Variants in PRDM16 observed in about 807,000 individuals in gnomAD.
The protein encoded by PRDM16 is histone-lysine N-methyltransferase PRDM16.
A neutral mutation model predicts 110.6 loss-of-function variants in PRDM16; 23 were observed. The observed-to-expected ratio is 0.21, with a 90% CI of 0.15 to 0.29. The LOEUF (loss-of-function observed/expected upper bound fraction) is 0.29. PRDM16 is among the 10% of genes least tolerant of loss of function. The pLI, the probability that PRDM16 is intolerant of heterozygous loss-of-function variation, is 1.00. For synonymous variants in PRDM16, 799 were observed against 781.8 expected (o/e 1.02, Z -0.37); for missense variants, 1,615 against 1,794.3 (o/e 0.90, Z 1.81).
At chr1:3,357,902 C>T (rs560201538) in intron 3 of PRDM16, among the ~76,000 whole-genome samples, 1 of 152,358 alleles carries the variant, frequency 6.6e-6, no homozygotes, top group East Asian at 1.9e-4. Flanking sequence ...CCAATCGTCC[C>T]CCATGGTGAG....
At position 3,334,540 on chromosome 1, in the gene PRDM16, T is replaced by C. The variant is rs546683691; in HGVS notation, c.439-50612T>C. The stretch of plus-strand genomic sequence containing the variant: ...CTGGCTGGCCGCCATCAACTCCTCT[T>C]GTGGGGAGGAAAGCGGGACAGGGAA... On this transcript the variant is annotated intron_variant, in intron 3 of 16. Coordinates refer to ENST00000270722, the MANE Select transcript of PRDM16 (RefSeq NM_022114.4). Among the ~76,000 whole-genome samples, 402 of 152,306 alleles carry C rather than the reference T, an allele frequency of 2.6e-3. 3 individuals carry two copies. The highest frequency in any genetic ancestry group is 9.3e-3 in the African/African-American group (386 of 41,566).
chr1:3,264,042 C>T (rs899854704), intron 3 of PRDM16, among the ~76,000 whole-genome samples: 8 of 152,186 alleles, frequency 5.3e-5, no homozygotes, highest in African/African-American at 1.9e-4. Flanking sequence ...TGGCCATCTT[C>T]CACAAGCTTA....
intron 2 of PRDM16, among the ~76,000 whole-genome samples, chr1:3,241,864 G>C (rs1376267894): frequency 6.6e-6 from 1 of 152,202 alleles, no homozygotes; most frequent in Non-Finnish European, 1.5e-5. Context: ...CACCTGAGAG[G>C]CTATGCATCT....
intron 3 of PRDM16, among the ~76,000 whole-genome samples, 170 bp from the exon 4 acceptor site, chr1:3,384,982 G>A (rs547175575): frequency 6.6e-6 from 1 of 152,200 alleles, no homozygotes; most frequent in African/African-American, 2.4e-5. Context: ...GCATGGGCAG[G>A]CTGGGTGGGC....
chr1:3,334,478 T>G (rs1642104990), intron 3 of PRDM16, among the ~76,000 whole-genome samples: 2 of 147,726 alleles, frequency 1.4e-5, no homozygotes. Flanking sequence ...GAGGACCAGG[T>G]CCTCAAATTC....
At chr1:3,366,253 C>T (rs1642813433) in intron 3 of PRDM16, among the ~76,000 whole-genome samples, 1 of 152,220 alleles carries the variant, frequency 6.6e-6, no homozygotes, top group South Asian at 2.1e-4. Flanking sequence ...GCTTGGCGGC[C>T]GCTCGCAGAC....
At chr1:3,204,727 G>A (rs1638713457) in intron 2 of PRDM16, among the ~76,000 whole-genome samples, 1 of 152,252 alleles carries the variant, frequency 6.6e-6, no homozygotes, top group African/African-American at 2.4e-5. Flanking sequence ...TTCTGTCTTT[G>A]GCCCGACCGG....
In PRDM16 at chr1:3,358,857, G is replaced by A. The variant is rs1476877283; in HGVS notation, c.439-26295G>A. ...TCATTCCAAACTCAAGCCATTTTGAGGAAAACAGACACCCCTCTTGGGCCG... is the reference window on the plus strand; with the variant it reads ...TCATTCCAAACTCAAGCCATTTTGAAGAAAACAGACACCCCTCTTGGGCCG... On this transcript the variant is annotated intron_variant, in intron 3 of 16. Transcript: ENST00000270722. The surrounding 1 kb of genome is among the most constrained non-coding windows in gnomAD (Gnocchi z 4.0). Among the ~76,000 whole-genome samples the A allele has an allele frequency of 6.6e-6, 1 of 152,190 alleles. No homozygotes were observed. Among genetic ancestry groups the A allele is most frequent in the Non-Finnish European group, 1.5e-5 (1 of 68,028 alleles).
intron 1 of PRDM16, among the ~76,000 whole-genome samples, chr1:3,114,187 A>ACG (rs1557455923): frequency 1.0e-5 from 1 of 96,454 alleles, no homozygotes; most frequent in Non-Finnish European, 2.0e-5. Flanking sequence ...ACACACACGC[A>ACG]CACACGCACA....
rs1638882917 is a variant in PRDM16 at position 3,435,510 on chromosome 1, T to A, written c.*1699T>A. The stretch of plus-strand genomic sequence containing the variant: ...CAGTTACATTTGCATTTAAGACAAG[T>A]GTTCTATTTATTTCTTGTATTGTTT... On this transcript the variant is annotated 3_prime_UTR_variant, in exon 17 of 17. Coordinates refer to ENST00000270722, the MANE Select transcript of PRDM16 (RefSeq NM_022114.4). The A allele has an allele frequency of 4.3e-6, 1 of 231,402 alleles. No homozygotes were observed. The allele number at this position is 231,402 out of a possible 1,614,324, so 14.3% of individuals were successfully genotyped here.
chr1:3,277,534 T>A (rs1640612994), intron 3 of PRDM16, among the ~76,000 whole-genome samples: 1 of 152,136 alleles, frequency 6.6e-6, no homozygotes, highest in Admixed American at 6.5e-5. Flanking sequence ...GCCCCGACCC[T>A]CTCCTTTTCT....
At position 3,402,876 on chromosome 1, in the gene PRDM16, C is replaced by T. The variant is rs763433232; in HGVS notation, c.762C>T (p.Gly254=). The change falls in exon 6 of 17, where the codon GGC becomes GGT. Residue 254 remains glycine, a synonymous_variant. Coordinates refer to ENST00000270722, the MANE Select transcript of PRDM16 (RefSeq NM_022114.4). The part of the protein sequence containing the change: ...DLRRHKKYTC[G]SVGAALYEGL... ...GGCGCCATAAGAAGTACACGTGTGG[C>T]TCAGTGGGGGCTGCGCTCTACGAGG... is the stretch of plus-strand genomic sequence containing the variant. 14 of 1,612,978 alleles carry T rather than the reference C, an allele frequency of 8.7e-6. No individual in the cohort carries two copies. In the African/African-American group the frequency reaches 1.2e-4, roughly 14 times the overall value.
intron 1 of PRDM16, among the ~76,000 whole-genome samples, chr1:3,109,860 G>A (rs1219109373): frequency 6.6e-6 from 1 of 152,252 alleles, no homozygotes; most frequent in Non-Finnish European, 1.5e-5. Context: ...TGTTGGATAT[G>A]GGCTCAGCTG....
At chr1:3,147,173 T>A (rs1343234374) in intron 1 of PRDM16, among the ~76,000 whole-genome samples, 1 of 148,812 alleles carries the variant, frequency 6.7e-6, no homozygotes, top group Non-Finnish European at 1.5e-5. Flanking sequence ...TGCACGCACG[T>A]GTGTGCTCGG....
chr1:3,432,028 G>A lies in PRDM16; in HGVS notation c.3584G>A (p.Gly1195Glu), dbSNP rs1345263417. 6.2e-7 allele frequency: 1 copy of A among 1,614,000 alleles called. No individual in the cohort carries two copies. The highest frequency in any genetic ancestry group is 1.3e-5 in the African/African-American group (1 of 74,942). The change falls in exon 16 of 17, where the codon GGG becomes GAG. Residue 1195 changes from glycine (G) to glutamate (E), a missense_variant. Around this residue, in one of 5 missense-constraint regions of PRDM16, gnomAD observed 327 missense variants for 359.3 expected, o/e 0.91. Transcript: ENST00000270722. ...GAGCCGATGCCGACTTTTGGGAAGG[G>A]GCTGGACCTCCGCAGAGCAGCTGAG... Reference protein sequence around the residue: ...ALEPMPTFGKGLDLRRAAEEA... With the variant: ...ALEPMPTFGKELDLRRAAEEA...
chr1:3,248,898 C>T (rs1639858651), intron 3 of PRDM16, among the ~76,000 whole-genome samples: 2 of 152,198 alleles, frequency 1.3e-5, no homozygotes, highest in South Asian at 4.1e-4. Context: ...GGGTCCCTCC[C>T]GTGGGGACTG....
intron 2 of PRDM16, among the ~76,000 whole-genome samples, chr1:3,200,905 G>C (rs1638607676): frequency 6.6e-6 from 1 of 152,012 alleles, no homozygotes; most frequent in Admixed American, 6.5e-5. Context: ...GCCGAACCGG[G>C]GGCAGAGGAG....
intron 3 of PRDM16, among the ~76,000 whole-genome samples, chr1:3,316,050 C>T (rs1021458756): frequency 1.3e-5 from 2 of 151,908 alleles, no homozygotes; most frequent in Admixed American, 1.3e-4. Flanking sequence ...GGGCCTTTCT[C>T]CCGGAGTAAA....
At chr1:3,289,264 C>T (rs1640921554) in intron 3 of PRDM16, among the ~76,000 whole-genome samples, 1 of 152,190 alleles carries the variant, frequency 6.6e-6, no homozygotes, top group Non-Finnish European at 1.5e-5. Context: ...AAGCCCCCTG[C>T]CTAGGCCCCC....
Sources: allele counts gnomAD v4.1 joint callset (sites outside exome capture counted in the v4.1 genomes callset), GRCh38; gene constraint gnomAD v4.1.1; regional missense constraint gnomAD v4.1.1; non-coding constraint Gnocchi (gnomAD v3.1); transcripts MANE v1.5; gene names NCBI Gene and HGNC (gene_info 2026-07-23, HGNC 2026-07-21).